The following KCNMA1 variants were observed in gnomAD, a reference collection of about 807,000 sequenced individuals.
The protein encoded by KCNMA1 is Calcium-activated potassium channel subunit alpha-1.
In KCNMA1, 29 loss-of-function variants were observed where a neutral mutation model predicts 140.0. The ratio of observed to expected loss-of-function variants is 0.21; its 90% CI spans 0.15 to 0.28. The LOEUF is 0.28. Ranked by LOEUF, KCNMA1 falls within the 10% of genes least tolerant of loss-of-function variation. The pLI is 1.00. For synonymous variants in KCNMA1, 612 were observed against 611.9 expected (o/e 1.00, Z 0.00); for missense variants, 880 against 1,602.2 (o/e 0.55, Z 7.70).
At position 77,584,992 on chromosome 10, in the gene KCNMA1, C is replaced by T. The variant is rs538096724; in HGVS notation, c.378+52273G>A. The stretch of plus-strand genomic sequence containing the variant: ...CTCAGCCACTCTAGCCCTTTGCTCA[C>T]GTTCTTCTCTGACCCCAGAACAACC... On this transcript the variant is annotated intron_variant, in intron 1 of 27. Transcript: ENST00000286628. 7.9e-5 allele frequency among the ~76,000 whole-genome samples: 12 copies of T among 152,358 alleles called. No homozygotes were observed. The East Asian group carries it at 1.4e-3, about 17-fold the overall frequency.
chr10:77,483,396 G>A (rs2098424470), intron 1 of KCNMA1, among the ~76,000 whole-genome samples: 2 of 152,314 alleles, frequency 1.3e-5, no homozygotes, highest in South Asian at 2.1e-4. Context: ...TGAGGAGCCG[G>A]GGTGGTGACA....
Position 77,198,537 on chromosome 10 carries a change from ATCAAT to A in KCNMA1, c.603-13626_603-13622del, listed in dbSNP as rs1197956002. 2.0e-5 allele frequency among the ~76,000 whole-genome samples: 3 copies of A among 147,114 alleles called. No homozygotes were observed. The Admixed American group carries it at 2.1e-4, about 10-fold the overall frequency. On this transcript the variant is annotated intron_variant, in intron 3 of 27. Coordinates refer to ENST00000286628, the MANE Select transcript of KCNMA1 (RefSeq NM_001161352.2). ...ATTCTCAAAGGTATTTCTTATCAAA[ATCAAT>A]TCATCAGCAAAAAGCATATATATGT...
chr10:76,953,547 C>A (rs772310503), intron 21 of KCNMA1, among the ~76,000 whole-genome samples: 11 of 152,196 alleles, frequency 7.2e-5, no homozygotes, highest in Non-Finnish European at 1.3e-4. Flanking sequence ...CCACCTCCCA[C>A]CATGGCTTTC....
intron 1 of KCNMA1, among the ~76,000 whole-genome samples, chr10:77,506,810 C>T (rs1222243257): frequency 2.9e-5 from 1 of 34,536 alleles, no homozygotes; most frequent in Non-Finnish European, 5.7e-5. Flanking sequence ...AAAGATGTTC[C>T]GAGAGAGAGA....
chr10:77,334,005 A>G (rs2087753691), intron 2 of KCNMA1, among the ~76,000 whole-genome samples: 2 of 152,206 alleles, frequency 1.3e-5, no homozygotes, highest in Non-Finnish European at 2.9e-5. Context: ...AAACAATAAG[A>G]TCAAGTAAGC....
At chr10:76,906,965 T>G (rs1435811139) in intron 25 of KCNMA1, among the ~76,000 whole-genome samples, 3 of 152,206 alleles carry the variant, frequency 2.0e-5, no homozygotes, top group Admixed American at 6.5e-5. Context: ...GATTAATGAT[T>G]TGAAAAGTTA....
At chr10:77,162,815 C>T (rs774655382) in intron 5 of KCNMA1, among the ~76,000 whole-genome samples, 3 of 152,182 alleles carry the variant, frequency 2.0e-5, no homozygotes, top group Admixed American at 1.3e-4. Context: ...ATACTTGTGA[C>T]ATTTGGAAAG....
chr10:77,466,548 A>C (rs189082090), intron 1 of KCNMA1, among the ~76,000 whole-genome samples: 287 of 152,366 alleles, frequency 1.9e-3, no homozygotes, highest in African/African-American at 6.0e-3. Flanking sequence ...CCAATCAAGT[A>C]CACAAACAAA....
At chr10:76,871,874 G>A (rs2031411521) in exon 28 of KCNMA1, 1 of 152,114 alleles carries the variant, frequency 6.6e-6, no homozygotes, top group South Asian at 2.1e-4. Flanking sequence ...CTCTAATGGT[G>A]CTTTGAGCAT....
intron 1 of KCNMA1, among the ~76,000 whole-genome samples, chr10:77,437,580 A>G (rs1402859422): frequency 1.3e-5 from 2 of 152,190 alleles, no homozygotes; most frequent in African/African-American, 4.8e-5. Context: ...GGTTTGTGAT[A>G]ATTTTATAAA....
At chr10:77,467,851 G>C (rs945864957) in intron 1 of KCNMA1, among the ~76,000 whole-genome samples, 3 of 152,152 alleles carry the variant, frequency 2.0e-5, no homozygotes, top group Non-Finnish European at 4.4e-5. Flanking sequence ...ATTCATGGAA[G>C]GAAAAAATAT....
intron 1 of KCNMA1, among the ~76,000 whole-genome samples, chr10:77,510,629 C>G (rs184750779): frequency 1.1e-3 from 156 of 140,412 alleles, no homozygotes; most frequent in African/African-American, 3.9e-3. Flanking sequence ...CCTGTCTCTA[C>G]AAAAAAAAAA....
intron 19 of KCNMA1, among the ~76,000 whole-genome samples, chr10:76,972,794 G>T (rs570869806): frequency 2.0e-5 from 3 of 152,088 alleles, no homozygotes; most frequent in Non-Finnish European, 4.4e-5. Context: ...ATATATGAAC[G>T]CTGTGTAATG....
At chr10:77,346,436 C>T (rs565717829) in intron 2 of KCNMA1, among the ~76,000 whole-genome samples, 109 of 152,262 alleles carry the variant, frequency 7.2e-4, no homozygotes, top group African/African-American at 2.5e-3. Context: ...TACCTTGGGT[C>T]ATTTGTTTTG....
intron 17 of KCNMA1, among the ~76,000 whole-genome samples, chr10:77,014,259 C>G (rs1280956363): frequency 6.6e-6 from 1 of 151,996 alleles, no homozygotes; most frequent in Non-Finnish European, 1.5e-5. Context: ...AACCCTGTCT[C>G]TACTAAAAAT....
intron 5 of KCNMA1, among the ~76,000 whole-genome samples, chr10:77,162,987 T>C (rs975789675): frequency 6.6e-6 from 1 of 152,214 alleles, no homozygotes; most frequent in Non-Finnish European, 1.5e-5. Context: ...TATTTCTGTT[T>C]GTATGTCCAG....
intron 1 of KCNMA1, among the ~76,000 whole-genome samples, chr10:77,423,332 G>A (rs1198839860): frequency 6.6e-6 from 1 of 152,154 alleles, no homozygotes. Context: ...ACAAAGAAAT[G>A]GTTTCTTCTC....
intron 3 of KCNMA1, among the ~76,000 whole-genome samples, chr10:77,207,221 A>G (rs946508518): frequency 2.0e-5 from 3 of 151,840 alleles, no homozygotes; most frequent in African/African-American, 7.3e-5. Flanking sequence ...TTAATAGAGG[A>G]CTCTCCCTAA....
intron 9 of KCNMA1, among the ~76,000 whole-genome samples, chr10:77,098,908 C>T (rs2097016152): frequency 1.3e-5 from 2 of 152,024 alleles, no homozygotes; most frequent in African/African-American, 4.8e-5. Context: ...CATCCCATTA[C>T]TTTGGGCTTG....
Sources: allele counts gnomAD v4.1 joint callset (sites outside exome capture counted in the v4.1 genomes callset), GRCh38; gene constraint gnomAD v4.1.1; transcripts MANE v1.5; gene names NCBI Gene and HGNC (gene_info 2026-07-23, HGNC 2026-07-21).